Variants in MUC17 observed in about 807,000 individuals in gnomAD.
MUC17 encodes the protein mucin 17, cell surface associated, also known as mucin-17.
In MUC17, 190 loss-of-function variants were observed where a neutral mutation model predicts 170.3. The observed-to-expected ratio is 1.12, with a 90% CI of 0.99 to 1.26. The LOEUF is 1.26. Among genes scored for constraint, MUC17 ranks in the 50% most tolerant of loss-of-function variants. The pLI is 0.00. For missense variants in MUC17, 6,415 were observed against 5,530.0 expected (o/e 1.16, Z -5.08); for synonymous variants, 2,325 against 2,002.5 (o/e 1.16, Z -4.30).
Position 101,035,557 on chromosome 7 carries a change from T to C in MUC17, c.4141T>C (p.Ser1381Pro), listed in dbSNP as rs769009152. The change falls in exon 3 of 13, where the codon TCT (serine) becomes CCT (proline). Residue 1381 changes from serine (S) to proline (P), a missense_variant. By Grantham distance (74) the Ser-to-Pro change is moderately conservative. Transcript: ENST00000306151. ...TGAAGCCTGTTCATCTCCTACAACT[T>C]CTGAAGGTACCAGCATGCCAAACTC... ...STEACSSPTT[S>P]EGTSMPNSNP... 3 of 1,585,124 alleles carry C rather than the reference T, an allele frequency of 1.9e-6. No individual in the cohort carries two copies. Among genetic ancestry groups the C allele is most frequent in the Non-Finnish European group, 2.6e-6 (3 of 1,164,974 alleles).
intron 1 of MUC17, among the ~76,000 whole-genome samples, chr7:101,021,209 G>A (rs1339433906): frequency 3.0e-5 from 4 of 134,634 alleles, no homozygotes; most frequent in African/African-American, 5.8e-5. Flanking sequence ...TTTTTGAGAC[G>A]GAGCCTCGCT....
In MUC17 at chr7:101,042,773, CCACT is replaced by C; in HGVS notation, c.11358_11361del (p.Thr3787ProfsTer29). The C allele has an allele frequency of 6.2e-7, 1 of 1,614,136 alleles. No homozygotes were observed. Among genetic ancestry groups the C allele is most frequent in the Non-Finnish European group, 8.5e-7 (1 of 1,180,032 alleles). On this transcript the variant is annotated frameshift_variant, in exon 3 of 13. Transcript: ENST00000306151. LOFTEE classifies it high-confidence loss of function. ...TCTGTTTACACCAGCATGTCTATGA[CCACT>C]GCCTCTGAAGGCAGTTCATCTCCTA...
Position 101,034,519 on chromosome 7 carries a change from T to C in MUC17, c.3103T>C (p.Ser1035Pro). Reference protein sequence around the residue: ...PTAEGTSMPTSTPSEGSTPLT... With the variant: ...PTAEGTSMPTPTPSEGSTPLT... ...TGCTGAAGGTACCAGCATGCCAACC[T>C]CAACTCCTAGTGAAGGAAGCACTCC... The change falls in exon 3 of 13, where the codon TCA (serine) becomes CCA (proline). Residue 1035 changes from serine to proline, a missense_variant. By Grantham distance (74) the Ser-to-Pro change is moderately conservative. Coordinates refer to ENST00000306151, the MANE Select transcript of MUC17 (RefSeq NM_001040105.2). 1 of 1,613,610 alleles carries C rather than the reference T, an allele frequency of 6.2e-7. No individual in the cohort carries two copies. Among genetic ancestry groups the C allele is most frequent in the Non-Finnish European group, 8.5e-7 (1 of 1,179,732 alleles).
In MUC17 at chr7:101,043,044, A is replaced by T. The variant is rs746237518; in HGVS notation, c.11628A>T (p.Leu3876Phe). The T allele has an allele frequency of 3.0e-5, 49 of 1,613,984 alleles. No homozygotes were observed. The highest frequency in any genetic ancestry group is 4.0e-5 in the Non-Finnish European group (47 of 1,180,040). Residue 3876 changes from leucine (L) to phenylalanine (F), a missense_variant, in exon 3 of 13, where the codon TTA becomes TTT. Physicochemically the swap from Leu to Phe is conservative, Grantham distance 22. Transcript: ENST00000306151. The part of the protein sequence containing the change: ...ISITSERSTP[L>F]TTLLVSTTLP... ...TTACCAGTGAAAGAAGCACTCCATT[A>T]ACAACTCTCCTTGTCAGCACCACAC...
rs10254556 is a variant in MUC17, at chr7:101,051,595, T to C, written c.12875-18T>C. 2,915 of 1,612,522 alleles carry C rather than the reference T, an allele frequency of 1.8e-3. 55 individuals are homozygous for C. The African/African-American group carries it at 0.034, about 19-fold the overall frequency. ...AGCGTGTATGTGTCGTGAGGGGTTT[T>C]ATGTGTCTCTTTCACAGACATGATG... On this transcript the variant is annotated intron_variant, in intron 7 of 12. Coordinates refer to ENST00000306151, the MANE Select transcript of MUC17 (RefSeq NM_001040105.2).
chr7:101,035,054 C>T lies in MUC17; in HGVS notation c.3638C>T (p.Thr1213Ile). The T allele has an allele frequency of 1.2e-6, 2 of 1,613,400 alleles. No homozygotes were observed. Among genetic ancestry groups the T allele is most frequent in the East Asian group, 2.2e-5 (1 of 44,872 alleles). Residue 1213 changes from threonine (T) to isoleucine (I), a missense_variant, in exon 3 of 13, where the codon ACT becomes ATT. Coordinates refer to ENST00000306151, the MANE Select transcript of MUC17 (RefSeq NM_001040105.2). The part of the protein sequence containing the change: ...TAEVTSMPTS[T>I]PGERSTPLTS... The stretch of plus-strand genomic sequence containing the variant: ...GAAGTTACCAGCATGCCAACCTCAA[C>T]TCCTGGAGAAAGAAGCACTCCATTA...
chr7:101,020,471 C>A (rs1299226883), intron 1 of MUC17, among the ~76,000 whole-genome samples: 4 of 152,158 alleles, frequency 2.6e-5, no homozygotes, highest in Non-Finnish European at 4.4e-5. Context: ...GCCTCAGTCT[C>A]CCCTCCGGAA....
rs1202579492 is a variant in MUC17 at position 101,038,448 on chromosome 7, T to C, written c.7032T>C (p.Pro2344=). 1.2e-6 allele frequency: 2 copies of C among 1,604,534 alleles called. No homozygotes were observed. Among genetic ancestry groups the C allele is most frequent in the East Asian group, 4.6e-5 (2 of 43,786 alleles). ...GAAACACTCCATTAACACGTATGCCTGTCAGCACCACAATGGTGGCCAGTT... is the reference window on the plus strand; with the variant it reads ...GAAACACTCCATTAACACGTATGCCCGTCAGCACCACAATGGTGGCCAGTT... ...SEGNTPLTRM[P]VSTTMVASFE... Residue 2344 remains proline (P), a synonymous_variant, in exon 3 of 13, where the codon CCT becomes CCC. Coordinates refer to ENST00000306151, the MANE Select transcript of MUC17 (RefSeq NM_001040105.2).
At chr7:101,031,305 C>T in intron 2 of MUC17, 84 bp downstream of exon 2, 3 of 1,525,238 alleles carry the variant, frequency 2.0e-6, no homozygotes, top group South Asian at 1.3e-5. Context: ...GCTGGTGAAG[C>T]TGCCATATTT....
intron 6 of MUC17, 76 bp from the exon 7 acceptor site, chr7:101,050,408 G>T: frequency 6.5e-7 from 1 of 1,548,564 alleles, no homozygotes; most frequent in South Asian, 1.3e-5. Flanking sequence ...ATCAGAGAGG[G>T]TGAAGCTTGC....
intron 6 of MUC17, 95 bp from the exon 7 acceptor site, chr7:101,050,389 T>C: frequency 1.3e-6 from 2 of 1,521,136 alleles, no homozygotes; most frequent in Non-Finnish European, 1.8e-6. Context: ...AGCTCTGCCT[T>C]CCCTTGGGAT....
intron 3 of MUC17, among the ~76,000 whole-genome samples, chr7:101,047,284 T>C: frequency 6.6e-6 from 1 of 151,970 alleles, no homozygotes; most frequent in East Asian, 1.9e-4. Flanking sequence ...ATCTAGACTG[T>C]TCAAGTTCAC....
chr7:101,026,047 C>T (rs1051358050), intron 1 of MUC17, among the ~76,000 whole-genome samples: 12 of 152,218 alleles, frequency 7.9e-5, no homozygotes, highest in African/African-American at 2.9e-4. Flanking sequence ...GTGTGGTGGA[C>T]TCACCCCAAT....
At position 101,033,996 on chromosome 7, in the gene MUC17, T is replaced by C. The variant is rs764384509; in HGVS notation, c.2580T>C (p.Tyr860=). The change falls in exon 3 of 13, where the codon TAT becomes TAC. Residue 860 remains tyrosine (Y), a synonymous_variant. Coordinates refer to ENST00000306151, the MANE Select transcript of MUC17 (RefSeq NM_001040105.2). ...AEGTSMPTST[Y]SEGRTPLTSM... ...GTACCAGCATGCCAACCTCAACTTATAGTGAAGGAAGAACTCCTTTAACAA... is the reference window on the plus strand; with the variant it reads ...GTACCAGCATGCCAACCTCAACTTACAGTGAAGGAAGAACTCCTTTAACAA... 2.5e-6 allele frequency: 4 copies of C among 1,599,944 alleles called. No homozygotes were observed. Among genetic ancestry groups the C allele is most frequent in the Non-Finnish European group, 3.4e-6 (4 of 1,172,530 alleles).
At chr7:101,046,939 C>T (rs867555121) in intron 3 of MUC17, among the ~76,000 whole-genome samples, 41 of 151,186 alleles carry the variant, frequency 2.7e-4, no homozygotes, top group Non-Finnish European at 4.7e-4. Flanking sequence ...ATTAGCTGGG[C>T]GTGGTGGCAG....
In MUC17 at chr7:101,038,027, C is replaced by T; in HGVS notation, c.6611C>T (p.Thr2204Ile). 1 of 1,608,288 alleles carries T rather than the reference C, an allele frequency of 6.2e-7. No individual in the cohort carries two copies. Among genetic ancestry groups the T allele is most frequent in the African/African-American group, 1.3e-5 (1 of 74,660 alleles). ...NSTEARSSPT[T>I]SEGTSMPTST... Reference sequence around the variant, plus strand: ...ACTGAAGCCCGTTCATCTCCTACAACTTCTGAAGGTACCAGCATGCCAACC... The same window carrying T: ...ACTGAAGCCCGTTCATCTCCTACAATTTCTGAAGGTACCAGCATGCCAACC... The change falls in exon 3 of 13, where the codon ACT becomes ATT. Residue 2204 changes from threonine to isoleucine, a missense_variant. By Grantham distance (89) the Thr-to-Ile change is moderately conservative. Coordinates refer to ENST00000306151, the MANE Select transcript of MUC17 (RefSeq NM_001040105.2).
intron 1 of MUC17, among the ~76,000 whole-genome samples, chr7:101,026,881 AT>A (rs545851890): frequency 6.6e-6 from 1 of 151,688 alleles, no homozygotes; most frequent in Admixed American, 6.6e-5. Context: ...TGCCCAGCTA[AT>A]TTTTTTTATT....
In MUC17 at chr7:101,042,165, C is replaced by T. The variant is rs777149310; in HGVS notation, c.10749C>T (p.Leu3583=). ...EGSSSLTTML[L]SSTYVTSSEA... is the part of the protein sequence containing the mutation. ...GCTCTTCATTAACAACTATGCTCCT[C>T]AGCAGCACATATGTGACCAGTTCTG... is the stretch of plus-strand genomic sequence containing the variant. The change falls in exon 3 of 13, where the codon CTC becomes CTT. Residue 3583 remains leucine (L), a synonymous_variant. Transcript: ENST00000306151. The T allele has an allele frequency of 6.8e-6, 11 of 1,614,108 alleles. No homozygotes were observed. In the South Asian group the frequency reaches 8.8e-5, roughly 13 times the overall value.
rs1043030178 is a variant in MUC17 at position 101,039,697 on chromosome 7, C to G, written c.8281C>G (p.Leu2761Val). The change falls in exon 3 of 13, where the codon CTG (leucine) becomes GTG (valine). Residue 2761 changes from leucine (L) to valine (V), a missense_variant. By Grantham distance (32) the Leu-to-Val change is conservative (BLOSUM62 1). Coordinates refer to ENST00000306151, the MANE Select transcript of MUC17 (RefSeq NM_001040105.2). ...TPLTSILVST[L>V]PVASSEASTV... Reference sequence around the variant, plus strand: ...ATTAACAAGTATACTTGTCAGCACCCTGCCAGTGGCCAGTTCTGAGGCTAG... The same window carrying G: ...ATTAACAAGTATACTTGTCAGCACCGTGCCAGTGGCCAGTTCTGAGGCTAG... 6.3e-7 allele frequency: 1 copy of G among 1,599,884 alleles called. No individual in the cohort carries two copies.
Sources: gnomAD v4.1 joint callset for allele counts (sites outside exome capture counted in the v4.1 genomes callset) on GRCh38, gnomAD v4.1.1 for gene constraint, MANE v1.5 for transcripts, NCBI Gene and HGNC (gene_info 2026-07-23, HGNC 2026-07-21) for gene names.